NLRP1: variants seen among roughly 807,000 people sequenced by gnomAD.
The protein encoded by NLRP1 is NLR family pyrin domain containing 1.
Under a neutral mutation model 136.7 loss-of-function variants are expected in NLRP1, and 94 were observed. That is an observed-to-expected ratio of 0.69 (90% CI 0.58 to 0.82). The LOEUF is 0.82. NLRP1 is among the 40% of genes least tolerant of loss of function. The pLI, the probability that NLRP1 is intolerant of heterozygous loss-of-function variation, is 0.00. For synonymous variants in NLRP1, 690 were observed against 725.1 expected (o/e 0.95, Z 0.78); for missense variants, 1,575 against 1,802.7 (o/e 0.87, Z 2.29).
In NLRP1 at chr17:5,530,632, C is replaced by T. The variant is rs1317801191; in HGVS notation, c.3369G>A (p.Val1123=). 1 of 1,614,094 alleles carries T rather than the reference C, an allele frequency of 6.2e-7. No homozygotes were observed. The highest frequency in any genetic ancestry group is 8.5e-7 in the Non-Finnish European group (1 of 1,180,042). ...ACACACAGAATTCAATCTCAACGGTCACCGCTTCTCTCATCACAAAGCAGA... is the reference window on the plus strand; with the variant it reads ...ACACACAGAATTCAATCTCAACGGTTACCGCTTCTCTCATCACAAAGCAGA... ...TGLCFVMREA[V]TVEIEFCVWD... Residue 1123 remains valine (V), a synonymous_variant, in exon 12 of 17, where the codon GTG becomes GTA. Coordinates refer to ENST00000572272, the MANE Select transcript of NLRP1 (RefSeq NM_033004.4).
Position 5,553,376 on chromosome 17 carries a change from C to G in NLRP1, c.2528+10G>C, listed in dbSNP as rs773424237. On this transcript the variant is annotated intron_variant, in intron 5 of 16. Transcript: ENST00000572272. Reference sequence around the variant, plus strand: ...TCCCTGCTTCAGAACAGAACCCAGGCCAGACTCACCGCAGGGTCTCCAGGA... The same window carrying G: ...TCCCTGCTTCAGAACAGAACCCAGGGCAGACTCACCGCAGGGTCTCCAGGA... The G allele has an allele frequency of 1.2e-6, 2 of 1,607,524 alleles. No homozygotes were observed. The highest frequency in any genetic ancestry group is 3.3e-5 in the Admixed American group (2 of 59,764).
chr17:5,581,877 AC>A lies in NLRP1; in HGVS notation c.633del (p.Ser212GlnfsTer27), dbSNP rs1567674548. The A allele has an allele frequency of 6.2e-7, 1 of 1,612,390 alleles. No homozygotes were observed. The highest frequency in any genetic ancestry group is 2.2e-5 in the East Asian group (1 of 44,848). ...GTCTCACCTGTGTAGTAAATTCCTG[AC>A]GTTTCATCCAGAGGCCATTGGGTCC... ...APGTQWPLDE[T>X]SGIYYTEIRE... On this transcript the variant is annotated frameshift_variant, in exon 3 of 17. Coordinates refer to ENST00000572272, the MANE Select transcript of NLRP1 (RefSeq NM_033004.4). LOFTEE classifies it high-confidence loss of function.
At chr17:5,531,173 A>ATCTATCTATCTATCT (rs1555543821) in intron 11 of NLRP1, among the ~76,000 whole-genome samples, 2 of 141,480 alleles carry the variant, frequency 1.4e-5, no homozygotes, top group Non-Finnish European at 3.1e-5. Flanking sequence ...TAATCTATCT[A>ATCTATCTATCTATCT]ATCTATCTAT....
intron 3 of NLRP1, among the ~76,000 whole-genome samples, chr17:5,569,038 G>A (rs1358242716): frequency 2.6e-5 from 4 of 152,080 alleles, no homozygotes; most frequent in South Asian, 2.1e-4. Context: ...CCTTATAAGC[G>A]AAGGAGAAAT....
At chr17:5,530,840 A>G in intron 11 of NLRP1, 136 bp from the exon 12 acceptor site, 1 of 657,568 alleles carries the variant, frequency 1.5e-6, no homozygotes, top group Non-Finnish European at 2.7e-6. Context: ...ATGGACTTGC[A>G]TTTTAGTCCT....
chr17:5,502,184 T>C (rs1235132747), intron 15 of NLRP1: 12 of 290,662 alleles, frequency 4.1e-5, no homozygotes, highest in Non-Finnish European at 8.2e-5. Flanking sequence ...CAGCAAACTC[T>C]GGTTCTCACA....
chr17:5,521,095 TG>T (rs1908843852), intron 13 of NLRP1, 83 bp from the exon 14 acceptor site: 7 of 1,389,956 alleles, frequency 5.0e-6, no homozygotes, highest in Admixed American at 2.3e-5. Flanking sequence ...TGCATCTGTG[TG>T]TTTGTGTGGA....
Position 5,533,879 on chromosome 17 carries a change from C to T in NLRP1, c.3052+18G>A, listed in dbSNP as rs199584228. 261 of 1,556,574 alleles carry T rather than the reference C, an allele frequency of 1.7e-4. No individual in the cohort carries two copies. The highest frequency in any genetic ancestry group is 1.7e-3 in the Admixed American group (98 of 59,284). ...CAACCCCTGTCACGATGCTCCCAGC[C>T]TTGCCCCTTCAAACTACCTGATCCG... On this transcript the variant is annotated intron_variant, in intron 9 of 16. Transcript: ENST00000572272.
intron 4 of NLRP1, among the ~76,000 whole-genome samples, chr17:5,557,256 C>T (rs1428990640): frequency 6.6e-6 from 1 of 152,160 alleles, no homozygotes; most frequent in Non-Finnish European, 1.5e-5. Context: ...CCTCCTGCTT[C>T]AGCCTCCCAA....
chr17:5,555,331 C>T (rs898910571), intron 4 of NLRP1, among the ~76,000 whole-genome samples: 5 of 152,178 alleles, frequency 3.3e-5, no homozygotes, highest in Admixed American at 3.3e-4. Context: ...AACCTCCACC[C>T]TTTCTTCCTG....
chr17:5,518,829 C>T (rs1039782633), intron 14 of NLRP1, among the ~76,000 whole-genome samples: 2 of 151,014 alleles, frequency 1.3e-5, no homozygotes, highest in African/African-American at 2.5e-5. Context: ...TGTACCCAAC[C>T]ACAACAGCAT....
intron 15 of NLRP1, among the ~76,000 whole-genome samples, chr17:5,517,296 C>A (rs1908237739): frequency 6.6e-6 from 1 of 151,390 alleles, no homozygotes. Flanking sequence ...CACCTACCTC[C>A]TACCTCCTGT....
chr17:5,534,027 G>A (rs1226998729), intron 8 of NLRP1, 39 bp from the exon 9 acceptor site: 8 of 1,392,904 alleles, frequency 5.7e-6, no homozygotes, highest in Admixed American at 5.0e-5. Context: ...AGATCTTGGA[G>A]GAAGCGAGGG....
chr17:5,532,703 G>C, intron 11 of NLRP1, 119 bp downstream of exon 11: 1 of 790,352 alleles, frequency 1.3e-6, no homozygotes, highest in South Asian at 2.3e-5. Context: ...GCAAGAGGAG[G>C]GGACCCAGTG....
intron 15 of NLRP1, chr17:5,501,884 G>T (rs1430488919): frequency 1.4e-5 from 22 of 1,612,750 alleles, no homozygotes; most frequent in Non-Finnish European, 1.6e-5. Context: ...TGGAATGGAG[G>T]GAGAACAATC....
At chr17:5,577,218 T>C (rs1905114389) in intron 3 of NLRP1, among the ~76,000 whole-genome samples, 1 of 152,218 alleles carries the variant, frequency 6.6e-6, no homozygotes, top group Non-Finnish European at 1.5e-5. Flanking sequence ...AGGGATGCCC[T>C]CTCTCATCAC....
intron 3 of NLRP1, among the ~76,000 whole-genome samples, chr17:5,570,278 T>C (rs1915730892): frequency 6.6e-6 from 1 of 151,678 alleles, no homozygotes; most frequent in African/African-American, 2.4e-5. Context: ...CTGAATAAAA[T>C]TGAGATGGAA....
chr17:5,574,708 C>T (rs1904831680), intron 3 of NLRP1, among the ~76,000 whole-genome samples: 1 of 148,992 alleles, frequency 6.7e-6, no homozygotes. Flanking sequence ...GTCACCCAGG[C>T]TGGAGTGCAG....
At chr17:5,521,139 C>T (rs1257928026) in intron 13 of NLRP1, 127 bp from the exon 14 acceptor site, 3 of 882,126 alleles carry the variant, frequency 3.4e-6, no homozygotes, top group Non-Finnish European at 5.1e-6. Context: ...TGCCTCCCTC[C>T]CCCCATGCAC....
Sources: allele counts gnomAD v4.1 joint callset (sites outside exome capture counted in the v4.1 genomes callset), GRCh38; gene constraint gnomAD v4.1.1; transcripts MANE v1.5; gene names NCBI Gene and HGNC (gene_info 2026-07-23, HGNC 2026-07-21).